YIPF1: variants seen among roughly 807,000 people sequenced by gnomAD.
The protein encoded by YIPF1 is protein YIPF1.
A neutral mutation model predicts 37.0 loss-of-function variants in YIPF1; 22 were observed. The observed-to-expected ratio is 0.59, with a 90% CI of 0.42 to 0.85. YIPF1 has a LOEUF of 0.85. Among genes scored for constraint, YIPF1 ranks in the 40% least tolerant of loss-of-function variants. The pLI, the probability that YIPF1 is intolerant of heterozygous loss-of-function variation, is 0.00. For synonymous variants in YIPF1, 128 were observed against 131.9 expected, an observed-to-expected ratio of 0.97 and a Z score of 0.21; for missense variants, 355 against 373.1, an observed-to-expected ratio of 0.95 and a Z score of 0.40.
At chr1:53,867,157 A>G (rs1047074555) in intron 7 of YIPF1, among the ~76,000 whole-genome samples, 3 of 152,190 alleles carry the variant, frequency 2.0e-5, no homozygotes, top group Admixed American at 6.5e-5. Context: ...CTTTGTGGTG[A>G]GGATCAATAG....
At chr1:53,864,303 G>A (rs1047606637) in intron 9 of YIPF1, among the ~76,000 whole-genome samples, 4 of 152,312 alleles carry the variant, frequency 2.6e-5, no homozygotes, top group Non-Finnish European at 5.9e-5. Flanking sequence ...GAAGAGTCAC[G>A]GCAGCATTTT....
In YIPF1 at chr1:53,883,152, A is replaced by G. The variant is rs1023891575; in HGVS notation, c.156T>C (p.Asp52=). The change falls in exon 4 of 11, where the codon GAT becomes GAC. Residue 52 remains aspartate, a synonymous_variant. Transcript: ENST00000072644. Reference sequence around the variant, plus strand: ...AGTCATCATTTCCCAGTAACTCATCATCTTCTTCTCTTCCTGAGCCTCTTG... The same window carrying G: ...AGTCATCATTTCCCAGTAACTCATCGTCTTCTTCTCTTCCTGAGCCTCTTG... ...GSPRGSGREE[D]DELLGNDDSD... 1 of 1,598,802 alleles carries G rather than the reference A, an allele frequency of 6.3e-7. No individual in the cohort carries two copies. The highest frequency in any genetic ancestry group is 8.5e-7 in the Non-Finnish European group (1 of 1,174,498).
Position 53,870,250 on chromosome 1 carries a change from C to A in YIPF1, c.481+1122G>T, listed in dbSNP as rs964848037. On this transcript the variant is annotated intron_variant, in intron 7 of 10. Coordinates refer to ENST00000072644, the MANE Select transcript of YIPF1 (RefSeq NM_018982.5). The stretch of plus-strand genomic sequence containing the variant: ...GCAGTGGTACGATCACAGCTCACTA[C>A]AGCCTCAATCTCTGGGCTCAAGTCA... Among the ~76,000 whole-genome samples the A allele has an allele frequency of 2.8e-5, 4 of 144,364 alleles. No homozygotes were observed. In the Admixed American group the frequency reaches 2.9e-4, roughly 10 times the overall value. 94.7% of individuals were successfully genotyped at this position (144,364 alleles called of 152,430 possible).
intron 6 of YIPF1, among the ~76,000 whole-genome samples, chr1:53,872,460 G>A: frequency 6.6e-6 from 1 of 152,106 alleles, no homozygotes. Flanking sequence ...ATATACCACT[G>A]AGCAGATGAG....
Position 53,866,392 on chromosome 1 carries a change from G to C in YIPF1, c.649-10C>G, listed in dbSNP as rs773831181. The C allele has an allele frequency of 6.2e-7, 1 of 1,612,382 alleles. No homozygotes were observed. Among genetic ancestry groups the C allele is most frequent in the East Asian group, 2.2e-5 (1 of 44,840 alleles). On this transcript the variant is annotated splice_polypyrimidine_tract_variant and intron_variant, in intron 8 of 10. Transcript: ENST00000072644. ...GGATAATCCACAGTATCTGAAAGAA[G>C]AGAAAAGGAGGAGCGGGGAGTTCTT...
At position 53,871,390 on chromosome 1, in the gene YIPF1, C is replaced by T. The variant is rs764033322; in HGVS notation, c.463G>A (p.Val155Met). ...IHLGEKTYHY[V>M]PEFRKVSIAA... ...CACCAACCTTTTCGGAATTCGGGCA[C>T]ATAATGGTACGTCTTCTCTCCCAGA... The change falls in exon 7 of 11, where the codon GTG becomes ATG. Residue 155 changes from valine (V) to methionine (M), a missense_variant. Transcript: ENST00000072644. 7 of 1,613,716 alleles carry T rather than the reference C, an allele frequency of 4.3e-6. No individual in the cohort carries two copies. Among genetic ancestry groups the T allele is most frequent in the African/African-American group, 1.3e-5 (1 of 75,032 alleles).
chr1:53,858,861 C>T (rs1649793020), intron 10 of YIPF1, among the ~76,000 whole-genome samples: 1 of 152,174 alleles, frequency 6.6e-6, no homozygotes, highest in African/African-American at 2.4e-5. Context: ...GTCTCAAACT[C>T]TTGAGCTCAA....
chr1:53,876,740 T>C (rs1650345782), intron 6 of YIPF1, among the ~76,000 whole-genome samples: 1 of 152,202 alleles, frequency 6.6e-6, no homozygotes, highest in African/African-American at 2.4e-5. Context: ...GGGATAATAA[T>C]AGTATCTCCC....
intron 6 of YIPF1, 109 bp downstream of exon 6, chr1:53,878,206 T>C: frequency 1.8e-6 from 2 of 1,083,598 alleles, no homozygotes; most frequent in Non-Finnish European, 2.7e-6. Flanking sequence ...AAAAGTCTAA[T>C]AATACATGGC....
chr1:53,861,312 G>A (rs184280673), intron 9 of YIPF1, among the ~76,000 whole-genome samples: 56 of 152,172 alleles, frequency 3.7e-4, no homozygotes, highest in African/African-American at 1.3e-3. Context: ...TGCTAGTGCT[G>A]GGCTCCTCCA....
intron 3 of YIPF1, 83 bp downstream of exon 3, chr1:53,888,824 G>T (rs1650725175): frequency 1.5e-6 from 2 of 1,300,912 alleles, no homozygotes; most frequent in South Asian, 1.6e-5. Flanking sequence ...TTCAATGTGT[G>T]AGGCAGTATA....
intron 10 of YIPF1, among the ~76,000 whole-genome samples, chr1:53,857,980 CAAAA>C (rs34358598): frequency 5.2e-5 from 5 of 97,016 alleles, no homozygotes; most frequent in Admixed American, 1.1e-4. Flanking sequence ...GACTCCACCT[CAAAA>C]AAAAAAAAAA....
At position 53,886,882 on chromosome 1, in the gene YIPF1, T is replaced by G. The variant is rs1569662327; in HGVS notation, c.31+2025A>C. 2.0e-5 allele frequency among the ~76,000 whole-genome samples: 3 copies of G among 152,060 alleles called. No individual in the cohort carries two copies. The East Asian group carries it at 5.8e-4, about 29-fold the overall frequency. On this transcript the variant is annotated intron_variant, in intron 3 of 10. Transcript: ENST00000072644. ...CAAAGAAGCAAGCCATAAGGCTATC[T>G]GAAGGGAGAATGTCCCACACAGAAA...
At chr1:53,871,239 G>T in intron 7 of YIPF1, 133 bp downstream of exon 7, 1 of 682,254 alleles carries the variant, frequency 1.5e-6, no homozygotes, top group Non-Finnish European at 2.6e-6. Flanking sequence ...ACACATTTGA[G>T]TAGATACATT....
intron 4 of YIPF1, among the ~76,000 whole-genome samples, chr1:53,879,502 C>A (rs1173715159): frequency 7.5e-6 from 1 of 133,646 alleles, no homozygotes; most frequent in Non-Finnish European, 1.6e-5. Context: ...AAAAATATTA[C>A]TACTCTGACA....
chr1:53,882,592 G>A (rs1650531406), intron 4 of YIPF1, among the ~76,000 whole-genome samples: 1 of 151,926 alleles, frequency 6.6e-6, no homozygotes, highest in African/African-American at 2.4e-5. Context: ...CGAGTAGCTG[G>A]GGCTACAGGT....
chr1:53,863,137 A>G (rs1444071951), intron 9 of YIPF1, among the ~76,000 whole-genome samples: 1 of 152,090 alleles, frequency 6.6e-6, no homozygotes, highest in African/African-American at 2.4e-5. Flanking sequence ...CCACAGTCCA[A>G]CCCGTCCCGC....
intron 6 of YIPF1, among the ~76,000 whole-genome samples, chr1:53,876,601 C>G (rs1436675206): frequency 6.6e-6 from 1 of 152,178 alleles, no homozygotes; most frequent in East Asian, 1.9e-4. Context: ...GGCAGTATAG[C>G]ATAGTGATGA....
chr1:53,873,235 A>G lies in YIPF1; in HGVS notation c.365-1747T>C, dbSNP rs1015617324. ...GATCAATAAAATATCTAATCTCAGA[A>G]GGTAGTACAGGGTGCCTATGGGAGC... On this transcript the variant is annotated intron_variant, in intron 6 of 10. Transcript: ENST00000072644. Among the ~76,000 whole-genome samples, 4 of 152,194 alleles carry G rather than the reference A, an allele frequency of 2.6e-5. No homozygotes were observed. In the South Asian group the frequency reaches 8.3e-4, roughly 32 times the overall value.
Sources: gnomAD v4.1 joint callset for allele counts (sites outside exome capture counted in the v4.1 genomes callset) on GRCh38, gnomAD v4.1.1 for gene constraint, MANE v1.5 for transcripts, NCBI Gene and HGNC (gene_info 2026-07-23, HGNC 2026-07-21) for gene names.